Variants in RPS6KC1 observed in about 807,000 individuals in gnomAD.
RPS6KC1 encodes ribosomal protein S6 kinase C1, also known as inactive ribosomal protein S6 kinase delta-1.
In RPS6KC1, 54 loss-of-function variants were observed where a neutral mutation model predicts 103.8. The ratio of observed to expected loss-of-function variants is 0.52; its 90% confidence interval spans 0.42 to 0.65. The LOEUF is 0.65. Ranked by LOEUF, RPS6KC1 falls within the 30% of genes least tolerant of loss-of-function variation. The pLI is 0.00. For synonymous variants in RPS6KC1, 439 were observed against 438.7 expected (o/e 1.00, Z -0.01); for missense variants, 1,151 against 1,253.8 (o/e 0.92, Z 1.24).
chr1:213,535,290 G>T, the RPS6KC1 span, among the ~76,000 whole-genome samples: 2 of 152,190 alleles, frequency 1.3e-5, no homozygotes, highest in African/African-American at 4.8e-5. Context: ...GGCAAATATT[G>T]CCAACCACAC....
At chr1:213,592,312 A>C in the RPS6KC1 span, among the ~76,000 whole-genome samples, 1 of 152,248 alleles carries the variant, frequency 6.6e-6, no homozygotes, top group Non-Finnish European at 1.5e-5. Flanking sequence ...TTAAATGGAA[A>C]GCATTAAAAA....
chr1:213,058,588 T>G lies in RPS6KC1; in HGVS notation c.105+7079T>G, dbSNP rs188304871. Among the ~76,000 whole-genome samples, 855 of 152,288 alleles carry G rather than the reference T, an allele frequency of 5.6e-3. 10 individuals carry two copies. The highest frequency in any genetic ancestry group is 0.017 in the African/African-American group (721 of 41,566). Reference sequence around the variant, plus strand: ...CTTTATTCCTTTGCCAAAAGTCAATTGACTATATATGTGTAAAGCTGTTTC... The same window carrying G: ...CTTTATTCCTTTGCCAAAAGTCAATGGACTATATATGTGTAAAGCTGTTTC... On this transcript the variant is annotated intron_variant, in intron 1 of 14. Coordinates refer to ENST00000366960, the MANE Select transcript of RPS6KC1 (RefSeq NM_012424.6).
At chr1:213,599,523 G>A in the RPS6KC1 span, among the ~76,000 whole-genome samples, 1 of 152,074 alleles carries the variant, frequency 6.6e-6, no homozygotes, top group Non-Finnish European at 1.5e-5. Context: ...TCCAAACAGT[G>A]GGGGGAAAAT....
At chr1:213,830,795 T>C in the RPS6KC1 span, among the ~76,000 whole-genome samples, 2 of 152,178 alleles carry the variant, frequency 1.3e-5, no homozygotes, top group Non-Finnish European at 2.9e-5. Flanking sequence ...TTTTACTTTA[T>C]ACACAAAAAT....
chr1:213,418,396 G>A, the RPS6KC1 span, among the ~76,000 whole-genome samples: 4 of 152,208 alleles, frequency 2.6e-5, no homozygotes, highest in African/African-American at 9.6e-5. Flanking sequence ...AGAGCATTTG[G>A]GGACCAAGGG....
chr1:213,310,933 G>A, the RPS6KC1 span, among the ~76,000 whole-genome samples: 1 of 152,050 alleles, frequency 6.6e-6, no homozygotes, highest in African/African-American at 2.4e-5. Flanking sequence ...CCTTTGCCAG[G>A]GTGAAGCCTC....
chr1:213,613,606 C>T, the RPS6KC1 span, among the ~76,000 whole-genome samples: 1 of 152,222 alleles, frequency 6.6e-6, no homozygotes, highest in African/African-American at 2.4e-5. Flanking sequence ...CTATTATCCT[C>T]TCCTTTCTTA....
the RPS6KC1 span, chr1:213,842,290 A>T: frequency 6.6e-6 from 1 of 152,196 alleles, no homozygotes; most frequent in African/African-American, 2.4e-5. Flanking sequence ...ATGACAAACC[A>T]TCAATAAATA....
the RPS6KC1 span, among the ~76,000 whole-genome samples, chr1:213,397,715 A>T: frequency 2.8e-4 from 42 of 152,104 alleles, no homozygotes; most frequent in Non-Finnish European, 6.0e-4. Context: ...TAGAGAAGAA[A>T]CCCAAAAGAC....
chr1:213,599,595 A>G, the RPS6KC1 span, among the ~76,000 whole-genome samples: 1 of 152,198 alleles, frequency 6.6e-6, no homozygotes, highest in Non-Finnish European at 1.5e-5. Context: ...AGTTTCTTGA[A>G]GGCAAAAATC....
At chr1:213,605,205 C>T in the RPS6KC1 span, among the ~76,000 whole-genome samples, 7 of 152,240 alleles carry the variant, frequency 4.6e-5, no homozygotes, top group Non-Finnish European at 7.4e-5. Flanking sequence ...ACAATATACT[C>T]GGTATTTATC....
the RPS6KC1 span, among the ~76,000 whole-genome samples, chr1:213,511,734 T>G: frequency 2.6e-5 from 4 of 152,196 alleles, no homozygotes; most frequent in Admixed American, 6.5e-5. Context: ...GGTTCATAGT[T>G]GTTTCTTCAA....
chr1:213,409,827 C>A, the RPS6KC1 span, among the ~76,000 whole-genome samples: 1 of 152,118 alleles, frequency 6.6e-6, no homozygotes. Flanking sequence ...TATAAGCCAA[C>A]AGGGAAAGAC....
chr1:213,095,745 A>G (rs1281989789), intron 3 of RPS6KC1, among the ~76,000 whole-genome samples: 1 of 152,206 alleles, frequency 6.6e-6, no homozygotes, highest in East Asian at 1.9e-4. Flanking sequence ...ACTGTAGTCT[A>G]TTGAGTGTGC....
chr1:213,815,730 G>T, the RPS6KC1 span, among the ~76,000 whole-genome samples: 2 of 152,176 alleles, frequency 1.3e-5, no homozygotes, highest in South Asian at 2.1e-4. Context: ...TTAGCAAAAG[G>T]CTGTTTTGCT....
the RPS6KC1 span, among the ~76,000 whole-genome samples, chr1:213,566,183 A>C: frequency 6.6e-6 from 1 of 152,178 alleles, no homozygotes; most frequent in African/African-American, 2.4e-5. Flanking sequence ...ACAAGTGTTC[A>C]CTATGAAATT....
At chr1:213,149,724 G>T (rs753859654) in intron 6 of RPS6KC1, among the ~76,000 whole-genome samples, 1 of 152,154 alleles carries the variant, frequency 6.6e-6, no homozygotes, top group Non-Finnish European at 1.5e-5. Flanking sequence ...TGGAAGATCT[G>T]TCCAATGCAG....
the RPS6KC1 span, among the ~76,000 whole-genome samples, chr1:213,530,227 A>G: frequency 6.6e-6 from 1 of 151,784 alleles, no homozygotes; most frequent in Non-Finnish European, 1.5e-5. Context: ...CTGTTTTTCC[A>G]TCTCCCCTAC....
At chr1:213,117,608 G>A (rs1202983136) in intron 5 of RPS6KC1, among the ~76,000 whole-genome samples, 198 bp downstream of exon 5, 1 of 151,476 alleles carries the variant, frequency 6.6e-6, no homozygotes, top group Non-Finnish European at 1.5e-5. Context: ...ATATTTAATT[G>A]GCAGCTTTTT....
Sources: gnomAD v4.1 joint callset for allele counts (sites outside exome capture counted in the v4.1 genomes callset) on GRCh38, gnomAD v4.1.1 for gene constraint, MANE v1.5 for transcripts, NCBI Gene and HGNC (gene_info 2026-07-23, HGNC 2026-07-21) for gene names.